The following BLTP1 variants were observed in gnomAD, a reference collection of about 807,000 sequenced individuals.
BLTP1 encodes the protein bridge-like lipid transfer protein family member 1.
the BLTP1 span, among the ~76,000 whole-genome samples, chr4:122,322,547 G>GT: frequency 2.0e-5 from 3 of 152,012 alleles, no homozygotes; most frequent in Admixed American, 6.6e-5. Context: ...TTTAGATTGT[G>GT]TTTTTTGCTA....
the BLTP1 span, chr4:122,220,440 C>A: frequency 4.3e-6 from 7 of 1,611,406 alleles, no homozygotes; most frequent in South Asian, 6.6e-5. Flanking sequence ...TCCTGTCACC[C>A]CTGAATGTGT....
At chr4:122,276,093 T>A in the BLTP1 span, 101 of 1,280,416 alleles carry the variant, frequency 7.9e-5, no homozygotes, top group Non-Finnish European at 1.0e-4. Flanking sequence ...AATATTTAAA[T>A]TTTTTTCATG....
chr4:122,185,175 A>AT, the BLTP1 span: 1 of 983,064 alleles, frequency 1.0e-6, no homozygotes. Flanking sequence ...AAAAGAAAGG[A>AT]TTTTTCAACC....
the BLTP1 span, chr4:122,221,827 G>C: frequency 4.1e-6 from 4 of 984,218 alleles, no homozygotes; most frequent in Middle Eastern, 5.2e-4. Context: ...GTCTTCTATG[G>C]ATGAGTTCTG....
At chr4:122,251,742 G>C in the BLTP1 span, 2 of 319,818 alleles carry the variant, frequency 6.3e-6, no homozygotes, top group Non-Finnish European at 9.0e-6. Context: ...GACTTTATTG[G>C]TCCATTTCTT....
At chr4:122,261,917 C>A in the BLTP1 span, 1 of 985,208 alleles carries the variant, frequency 1.0e-6, no homozygotes, top group African/African-American at 1.7e-5. Context: ...ATAAGCTTTT[C>A]TGCTTTTCAG....
At chr4:122,219,562 C>A in the BLTP1 span, 5 of 1,612,444 alleles carry the variant, frequency 3.1e-6, no homozygotes, top group Non-Finnish European at 1.7e-6. Context: ...TGGGCGTCTT[C>A]CTGTTGTAAG....
chr4:122,236,982 A>T, the BLTP1 span: 3 of 985,364 alleles, frequency 3.0e-6, no homozygotes, highest in South Asian at 1.4e-4. Context: ...AGAATTAAGG[A>T]TCTATTTGGA....
the BLTP1 span, chr4:122,214,265 T>C: frequency 0.012 from 11,521 of 938,112 alleles, 220 homozygotes; most frequent in African/African-American, 0.081. Flanking sequence ...AAGACACTCA[T>C]ATACCAAAAT....
chr4:122,213,109 T>C, the BLTP1 span, among the ~76,000 whole-genome samples: 3 of 152,174 alleles, frequency 2.0e-5, no homozygotes, highest in Non-Finnish European at 4.4e-5. Flanking sequence ...CATAGCTCTT[T>C]GTAATCTGGA....
the BLTP1 span, chr4:122,154,342 A>T: frequency 1.0e-6 from 1 of 984,684 alleles, no homozygotes; most frequent in Non-Finnish European, 1.2e-6. Flanking sequence ...GTTGTGGTTT[A>T]ATCTGCCTAT....
At chr4:122,189,589 T>G in the BLTP1 span, 3 of 884,324 alleles carry the variant, frequency 3.4e-6, no homozygotes, top group Non-Finnish European at 4.1e-6. Context: ...GGTCAAATTT[T>G]AATTTTGTTG....
chr4:122,313,669 A>T, the BLTP1 span: 1 of 1,582,798 alleles, frequency 6.3e-7, no homozygotes. Flanking sequence ...TTCAAGAACT[A>T]CAGGACAAGC....
At chr4:122,175,394 T>A in the BLTP1 span, 11 of 485,450 alleles carry the variant, frequency 2.3e-5, no homozygotes, top group South Asian at 8.9e-5. Flanking sequence ...CCTTAAAAGT[T>A]TCTCTTTTGT....
chr4:122,153,009 G>T, the BLTP1 span: 1 of 985,262 alleles, frequency 1.0e-6, no homozygotes. Context: ...AACAACCCCC[G>T]CTTTCTTCTC....
chr4:122,346,616 G>C, the BLTP1 span: 1 of 1,609,232 alleles, frequency 6.2e-7, no homozygotes, highest in Non-Finnish European at 8.5e-7. Flanking sequence ...TGTTATTTAT[G>C]TATCAGCTGT....
At chr4:122,166,294 C>G in the BLTP1 span, among the ~76,000 whole-genome samples, 1 of 152,162 alleles carries the variant, frequency 6.6e-6, no homozygotes, top group Non-Finnish European at 1.5e-5. Context: ...CTACATATGG[C>G]TAGCCAGTTT....
the BLTP1 span, among the ~76,000 whole-genome samples, chr4:122,319,518 G>A: frequency 1.3e-5 from 2 of 150,230 alleles, no homozygotes; most frequent in South Asian, 2.1e-4. Flanking sequence ...TGGTCTAAGA[G>A]CAGACATTTT....
the BLTP1 span, among the ~76,000 whole-genome samples, chr4:122,178,406 C>T: frequency 6.6e-6 from 1 of 152,122 alleles, no homozygotes; most frequent in Admixed American, 6.5e-5. Flanking sequence ...TGGACCTGCC[C>T]CTAATTGGAT....
Sources: allele counts gnomAD v4.1 joint callset (sites outside exome capture counted in the v4.1 genomes callset), GRCh38; gene constraint gnomAD v4.1.1; transcripts MANE v1.5; gene names NCBI Gene and HGNC (gene_info 2026-07-23, HGNC 2026-07-21).